The following ELAVL2 variants were observed in gnomAD, a reference collection of about 807,000 sequenced individuals.
The protein encoded by ELAVL2 is ELAV like RNA binding protein 2, also known as ELAV-like protein 2.
ELAVL2 carries 4 observed loss-of-function variants against 34.6 expected under a neutral mutation model. The observed-to-expected ratio is 0.12, with a 90% CI of 0.06 to 0.26. The LOEUF is 0.26. Among genes scored for constraint, ELAVL2 ranks in the 10% least tolerant of loss-of-function variants. ELAVL2 has a pLI of 1.00. For missense variants in ELAVL2, 432 were observed against 442.8 expected (o/e 0.98, Z 0.22); for synonymous variants, 193 against 154.8 (o/e 1.25, Z -1.83).
chr9:23,816,729 G>T (rs977640346), intron 1 of ELAVL2, among the ~76,000 whole-genome samples: 1 of 152,148 alleles, frequency 6.6e-6, no homozygotes, highest in Non-Finnish European at 1.5e-5. Flanking sequence ...TAGGGCAATG[G>T]TAGCAAGCCA....
At chr9:23,810,808 C>A (rs555856034) in intron 1 of ELAVL2, among the ~76,000 whole-genome samples, 1 of 152,146 alleles carries the variant, frequency 6.6e-6, no homozygotes, top group Non-Finnish European at 1.5e-5. Context: ...TCTATAAGGA[C>A]AGAAAAACTT....
intron 1 of ELAVL2, among the ~76,000 whole-genome samples, chr9:23,770,694 G>A (rs1476371551): frequency 2.0e-5 from 3 of 152,200 alleles, no homozygotes; most frequent in African/African-American, 7.2e-5. Flanking sequence ...GACTCTGGGA[G>A]GAATGCAGCC....
chr9:23,840,394 A>G, the ELAVL2 span, among the ~76,000 whole-genome samples: 2 of 151,726 alleles, frequency 1.3e-5, no homozygotes, highest in African/African-American at 2.4e-5. Context: ...TAATCTAAGC[A>G]CATATGTGTA....
intron 1 of ELAVL2, among the ~76,000 whole-genome samples, chr9:23,816,293 A>ATCTT (rs1176703775): frequency 1.4e-5 from 2 of 145,882 alleles, no homozygotes; most frequent in Non-Finnish European, 3.0e-5. Flanking sequence ...ATTAGTCAAG[A>ATCTT]AAGTGTGTAC....
chr9:23,770,594 G>A (rs907782352), intron 1 of ELAVL2, among the ~76,000 whole-genome samples: 1 of 152,102 alleles, frequency 6.6e-6, no homozygotes, highest in African/African-American at 2.4e-5. Flanking sequence ...GAAATCGAAA[G>A]GACATTGCTG....
intron 1 of ELAVL2, among the ~76,000 whole-genome samples, chr9:23,812,045 C>A (rs1165903268): frequency 5.9e-5 from 9 of 152,110 alleles, no homozygotes; most frequent in Non-Finnish European, 1.2e-4. Context: ...GATTCCCAGA[C>A]AACAGGGATA....
chr9:23,691,336 C>A lies in ELAVL2; in HGVS notation c.*1221G>T, dbSNP rs1017552308. Reference sequence around the variant, plus strand: ...ACAAAGCTCAGGTGTTAGCCTTGAACGTAACTTTCAAAATACCTTCAAATA... The same window carrying A: ...ACAAAGCTCAGGTGTTAGCCTTGAAAGTAACTTTCAAAATACCTTCAAATA... On this transcript the variant is annotated 3_prime_UTR_variant, in exon 7 of 7. Coordinates refer to ENST00000397312, the MANE Select transcript of ELAVL2 (RefSeq NM_004432.5). 1 of 152,544 alleles carries A rather than the reference C, an allele frequency of 6.6e-6. No homozygotes were observed. Among genetic ancestry groups the A allele is most frequent in the East Asian group, 1.9e-4 (1 of 5,196 alleles). The allele number at this position is 152,544 out of a possible 1,614,324, so 9.4% of individuals were successfully genotyped here.
At chr9:23,750,238 G>C (rs1335792039) in intron 2 of ELAVL2, among the ~76,000 whole-genome samples, 1 of 151,980 alleles carries the variant, frequency 6.6e-6, no homozygotes, top group African/African-American at 2.4e-5. Context: ...GACTAGCTTT[G>C]TATGTTCTAG....
chr9:23,739,960 G>A (rs1044326271), intron 2 of ELAVL2, among the ~76,000 whole-genome samples: 2 of 152,094 alleles, frequency 1.3e-5, no homozygotes, highest in African/African-American at 2.4e-5. Flanking sequence ...CCACCATGGA[G>A]AGCTCCCCAT....
chr9:23,786,047 C>T (rs2059637926), intron 1 of ELAVL2, among the ~76,000 whole-genome samples: 1 of 152,160 alleles, frequency 6.6e-6, no homozygotes, highest in Non-Finnish European at 1.5e-5. Context: ...CTCAAGCTAG[C>T]TGAACTTGAG....
In ELAVL2 at chr9:23,762,865, A is replaced by G. The variant is rs937598561; in HGVS notation, c.-15-616T>C. On this transcript the variant is annotated intron_variant, in intron 1 of 6. Coordinates refer to ENST00000397312, the MANE Select transcript of ELAVL2 (RefSeq NM_004432.5). ...CATTGGTAAGAAAAAAACAGATGCT[A>G]TATTTTAGGGAGTGGAAAGGAACTA... 5.3e-5 allele frequency among the ~76,000 whole-genome samples: 8 copies of G among 152,202 alleles called. 1 individual carries two copies. The highest frequency in any genetic ancestry group is 6.8e-3 in the Middle Eastern group (2 of 294).
intron 2 of ELAVL2, among the ~76,000 whole-genome samples, chr9:23,756,393 G>A (rs925392208): frequency 1.3e-5 from 2 of 152,084 alleles, no homozygotes; most frequent in Non-Finnish European, 1.5e-5. Context: ...GTTAGCAGCT[G>A]ATGAGGTCAG....
chr9:23,803,352 A>G (rs2061801027), intron 1 of ELAVL2, among the ~76,000 whole-genome samples: 2 of 152,242 alleles, frequency 1.3e-5, no homozygotes, highest in South Asian at 4.1e-4. Flanking sequence ...TTCATGTTGC[A>G]TACTTACACT....
chr9:23,843,414 G>A, the ELAVL2 span, among the ~76,000 whole-genome samples: 1 of 152,062 alleles, frequency 6.6e-6, no homozygotes, highest in Non-Finnish European at 1.5e-5. Flanking sequence ...ACTCTGAAGT[G>A]AAGACTTTTT....
chr9:23,698,424 T>C (rs998189021), intron 5 of ELAVL2, among the ~76,000 whole-genome samples: 26 of 152,334 alleles, frequency 1.7e-4, no homozygotes, highest in African/African-American at 5.5e-4. Context: ...TTAACCCTTA[T>C]TACATGGATT....
intron 1 of ELAVL2, among the ~76,000 whole-genome samples, chr9:23,819,134 G>A (rs1335353737): frequency 6.6e-6 from 1 of 152,150 alleles, no homozygotes; most frequent in Non-Finnish European, 1.5e-5. Context: ...GAAGAGCCAA[G>A]AGCGGTTGGT....
intron 1 of ELAVL2, chr9:23,765,234 C>G (rs2055965515): frequency 2.9e-6 from 2 of 690,670 alleles, no homozygotes. Context: ...GAAATTGAGG[C>G]AATTCCAATC....
chr9:23,782,000 T>C (rs1291879102), intron 1 of ELAVL2, among the ~76,000 whole-genome samples: 4 of 151,972 alleles, frequency 2.6e-5, no homozygotes, highest in Non-Finnish European at 2.9e-5. Context: ...TTAAAATCTT[T>C]TGTGGAGACG....
At chr9:23,731,227 T>A in intron 2 of ELAVL2, 102 bp from the exon 3 acceptor site, 1 of 857,320 alleles carries the variant, frequency 1.2e-6, no homozygotes, top group Non-Finnish European at 1.7e-6. Flanking sequence ...ACCAGCATAT[T>A]TCCTCAACAG....
Sources: gnomAD v4.1 joint callset for allele counts (sites outside exome capture counted in the v4.1 genomes callset) on GRCh38, gnomAD v4.1.1 for gene constraint, MANE v1.5 for transcripts, NCBI Gene and HGNC (gene_info 2026-07-23, HGNC 2026-07-21) for gene names.